Variants in RASSF3 observed in about 807,000 individuals in gnomAD.
RASSF3 encodes ras association domain-containing protein 3.
RASSF3 carries 19 observed loss-of-function variants against 19.9 expected under a neutral mutation model. That is an observed-to-expected ratio of 0.96 (90% CI 0.67 to 1.40). RASSF3 has a LOEUF of 1.40. Ranked by LOEUF, RASSF3 falls within the 40% of genes most tolerant of loss-of-function variation. RASSF3 has a pLI of 0.00. For missense variants in RASSF3, 306 were observed against 289.8 expected (o/e 1.06, Z -0.41); for synonymous variants, 110 against 104.2 (o/e 1.06, Z -0.34).
At chr12:64,519,582 G>C (rs1176894583) in intron 1 of RASSF3, among the ~76,000 whole-genome samples, 4 of 152,012 alleles carry the variant, frequency 2.6e-5, no homozygotes, top group Admixed American at 6.6e-5. Context: ...CTGGAAATCT[G>C]TGCATTTTAT....
intron 2 of RASSF3, among the ~76,000 whole-genome samples, chr12:64,568,768 G>T (rs1869473014): frequency 6.6e-6 from 1 of 151,554 alleles, no homozygotes; most frequent in Non-Finnish European, 1.5e-5. Flanking sequence ...GGAGTGCAGT[G>T]GCATGATCTT....
intron 1 of RASSF3, among the ~76,000 whole-genome samples, chr12:64,525,967 A>G (rs1868577908): frequency 6.6e-6 from 1 of 152,144 alleles, no homozygotes; most frequent in Non-Finnish European, 1.5e-5. Context: ...GAACAGGGAG[A>G]GATGTCTGTA....
At chr12:64,542,426 C>A (rs1035713604), downstream of RASSF3, among the ~76,000 whole-genome samples, 1 of 152,206 alleles carries the variant, frequency 6.6e-6, no homozygotes, top group Non-Finnish European at 1.5e-5. Flanking sequence ...ACTGGTAGAA[C>A]TAGTAGATCC....
chr12:64,565,995 G>A (rs1253953801), intron 2 of RASSF3, among the ~76,000 whole-genome samples: 1 of 152,094 alleles, frequency 6.6e-6, no homozygotes, highest in Admixed American at 6.5e-5. Context: ...GAGTTTGGGA[G>A]TTCGAGACCA....
intron 1 of RASSF3, among the ~76,000 whole-genome samples, chr12:64,680,888 A>T (rs1426161873): frequency 6.6e-6 from 1 of 152,182 alleles, no homozygotes; most frequent in Non-Finnish European, 1.5e-5. Flanking sequence ...CTGGGATTAC[A>T]GGTGTGAGCC....
At position 64,647,049 on chromosome 12, in the gene RASSF3, T is replaced by C. The variant is rs556956954; in HGVS notation, c.111+36306T>C. ...AGAAGCTAGAATTTTAATCTAGGTC[T>C]GTCTAACTACAAAGGATGGAATTAG... is the stretch of plus-strand genomic sequence containing the variant. On this transcript the variant is annotated intron_variant, in intron 1 of 4. Transcript: ENST00000542104. 2.0e-3 allele frequency among the ~76,000 whole-genome samples: 303 copies of C among 152,290 alleles called. 1 individual carries two copies. Among genetic ancestry groups the C allele is most frequent in the Admixed American group, 4.6e-3 (70 of 15,292 alleles).
In RASSF3 at chr12:64,658,943, A is replaced by G. The variant is rs574846847; in HGVS notation, c.112-25844A>G. Among the ~76,000 whole-genome samples, 12 of 152,174 alleles carry G rather than the reference A, an allele frequency of 7.9e-5. No homozygotes were observed. The East Asian group carries it at 2.3e-3, about 29-fold the overall frequency. ...AAATTAGCCAGGTGTGGTGATGTAC[A>G]CCTGTAGTCCCAGCTACTCAGGAAG... On this transcript the variant is annotated intron_variant, in intron 1 of 4. Transcript: ENST00000542104.
At chr12:64,553,574 C>G (rs1250719821) in intron 2 of RASSF3, among the ~76,000 whole-genome samples, 1 of 152,186 alleles carries the variant, frequency 6.6e-6, no homozygotes, top group Non-Finnish European at 1.5e-5. Context: ...GGAGACGAGA[C>G]CTTGGATGTC....
At chr12:64,547,697 A>G (rs1869092109) in intron 2 of RASSF3, among the ~76,000 whole-genome samples, 1 of 152,242 alleles carries the variant, frequency 6.6e-6, no homozygotes, top group Admixed American at 6.5e-5. Flanking sequence ...GCTGGTATTC[A>G]GTTTCTAAAT....
At chr12:64,548,512 C>A (rs1869107289) in intron 2 of RASSF3, among the ~76,000 whole-genome samples, 1 of 152,120 alleles carries the variant, frequency 6.6e-6, no homozygotes, top group Admixed American at 6.6e-5. Flanking sequence ...TCTTTTGGTG[C>A]ATTTCTTACT....
At chr12:64,663,393 C>T (rs1251782480) in intron 1 of RASSF3, among the ~76,000 whole-genome samples, 2 of 151,194 alleles carry the variant, frequency 1.3e-5, no homozygotes, top group African/African-American at 4.9e-5. Flanking sequence ...ATGGGGAAGA[C>T]AAAAAAAGAA....
At chr12:64,674,388 A>G (rs1872805795) in intron 1 of RASSF3, among the ~76,000 whole-genome samples, 2 of 152,198 alleles carry the variant, frequency 1.3e-5, no homozygotes, top group South Asian at 4.1e-4. Context: ...TCCAACACTA[A>G]GGTAGTTCCA....
intron 1 of RASSF3, among the ~76,000 whole-genome samples, chr12:64,674,890 G>A (rs1267907395): frequency 1.3e-5 from 2 of 151,920 alleles, no homozygotes; most frequent in Non-Finnish European, 2.9e-5. Flanking sequence ...GGTACACTTC[G>A]GTTTTCTGTG....
At chr12:64,542,975 A>G (rs565510360), downstream of RASSF3, among the ~76,000 whole-genome samples, 80 of 151,064 alleles carry the variant, frequency 5.3e-4, no homozygotes, top group African/African-American at 1.9e-3. Flanking sequence ...AGCTAGATAG[A>G]GTTCCGGGTG....
Position 64,697,031 on chromosome 12 carries a change from C to A in RASSF3, c.*2119C>A, listed in dbSNP as rs1048477267. On this transcript the variant is annotated 3_prime_UTR_variant, in exon 5 of 5. Transcript: ENST00000542104. ...TCTCAGATTAAGACACTGTTAGAACCTAAAGTAGTAGCTGATGGGTATCTG... is the reference window on the plus strand; with the variant it reads ...TCTCAGATTAAGACACTGTTAGAACATAAAGTAGTAGCTGATGGGTATCTG... The A allele has an allele frequency of 6.7e-6, 1 of 150,136 alleles. No individual in the cohort carries two copies. Among genetic ancestry groups the A allele is most frequent in the Non-Finnish European group, 1.5e-5 (1 of 67,752 alleles). 9.3% of individuals were successfully genotyped at this position (150,136 alleles called of 1,614,324 possible).
chr12:64,574,778 A>G (rs528352587), intron 2 of RASSF3, among the ~76,000 whole-genome samples: 5 of 152,362 alleles, frequency 3.3e-5, no homozygotes, highest in Non-Finnish European at 5.9e-5. Flanking sequence ...AGATGCATGC[A>G]TGAGCTCAGC....
At chr12:64,585,941 C>G (rs941394262) in intron 2 of RASSF3, among the ~76,000 whole-genome samples, 1 of 152,130 alleles carries the variant, frequency 6.6e-6, no homozygotes, top group African/African-American at 2.4e-5. Flanking sequence ...AGAGTCTCTA[C>G]AAAAACATTT....
intron 1 of RASSF3, among the ~76,000 whole-genome samples, chr12:64,668,959 G>A (rs1872612839): frequency 6.6e-6 from 1 of 151,982 alleles, no homozygotes; most frequent in African/African-American, 2.4e-5. Flanking sequence ...GTGAGCTACC[G>A]CACCCAGCCC....
At chr12:64,599,745 C>G (rs955120643) in intron 2 of RASSF3, among the ~76,000 whole-genome samples, 1 of 152,072 alleles carries the variant, frequency 6.6e-6, no homozygotes, top group African/African-American at 2.4e-5. Flanking sequence ...AAAATACTGC[C>G]TGATAAGCCG....
Sources: allele counts gnomAD v4.1 joint callset (sites outside exome capture counted in the v4.1 genomes callset), GRCh38; gene constraint gnomAD v4.1.1; transcripts MANE v1.5; gene names NCBI Gene and HGNC (gene_info 2026-07-23, HGNC 2026-07-21).